Variants in CACNA1D observed in about 807,000 individuals in gnomAD.
CACNA1D encodes the protein voltage-dependent L-type calcium channel subunit alpha-1D.
Under a neutral mutation model 257.1 loss-of-function variants are expected in CACNA1D, and 55 were observed. The observed-to-expected ratio is 0.21, with a 90% CI of 0.17 to 0.27. The LOEUF is 0.27. Ranked by LOEUF, CACNA1D falls within the 10% of genes least tolerant of loss-of-function variation. CACNA1D has a pLI of 1.00. For synonymous variants in CACNA1D, 980 were observed against 1,014.9 expected (o/e 0.97, Z 0.65); for missense variants, 1,876 against 2,784.0 (o/e 0.67, Z 7.34).
rs1193226150 is a variant in CACNA1D, at chr3:53,702,792, G to C, written c.1372G>C (p.Glu458Gln). ...TCCGGAGAATGAGGAAGAAGGAGGA[G>C]AGGAAGGCAAACGAAATAGTATGTA... Reference protein sequence around the residue: ...IDPENEEEGGEEGKRNTSMPT... With the variant: ...IDPENEEEGGQEGKRNTSMPT... Residue 458 changes from glutamate (E) to glutamine (Q), a missense_variant, in exon 9 of 48, where the codon GAG (glutamate) becomes CAG (glutamine). Around this residue, in one of 10 missense-constraint regions of CACNA1D, gnomAD observed 257 missense variants for 399.7 expected, o/e 0.64. Coordinates refer to ENST00000350061, the MANE Select transcript of CACNA1D (RefSeq NM_001128840.3). 1.9e-6 allele frequency: 3 copies of C among 1,614,242 alleles called. No homozygotes were observed.
At position 53,772,818 on chromosome 3, in the gene CACNA1D, C is replaced by G. The variant is rs1296825649; in HGVS notation, c.4045-15C>G. On this transcript the variant is annotated splice_polypyrimidine_tract_variant and intron_variant, in intron 32 of 47. Coordinates refer to ENST00000350061, the MANE Select transcript of CACNA1D (RefSeq NM_001128840.3). ...CAGCCGGCTGGTGCTGAGCCAAGTG[C>G]CTTTTCTCTCCCAGGCGCTCCCGTA... 6.2e-7 allele frequency: 1 copy of G among 1,612,754 alleles called. No homozygotes were observed. The highest frequency in any genetic ancestry group is 2.2e-5 in the East Asian group (1 of 44,864).
intron 4 of CACNA1D, among the ~76,000 whole-genome samples, chr3:53,654,820 A>G (rs2094132882): frequency 1.3e-5 from 2 of 152,188 alleles, no homozygotes; most frequent in African/African-American, 4.8e-5. Context: ...AGAAAATCCC[A>G]GGTCTATCTA....
At chr3:53,659,800 G>C (rs2094185453) in intron 4 of CACNA1D, among the ~76,000 whole-genome samples, 1 of 152,244 alleles carries the variant, frequency 6.6e-6, no homozygotes, top group African/African-American at 2.4e-5. Flanking sequence ...CTCATGAATG[G>C]TAGCCACCAA....
intron 3 of CACNA1D, among the ~76,000 whole-genome samples, chr3:53,601,128 C>T (rs776939822): frequency 7.2e-5 from 11 of 152,120 alleles, no homozygotes; most frequent in Non-Finnish European, 1.5e-5. Context: ...GCCTGTGCCC[C>T]CTTCGGAGAC....
chr3:53,500,112 C>T (rs1177416549), intron 2 of CACNA1D, among the ~76,000 whole-genome samples: 2 of 151,770 alleles, frequency 1.3e-5, no homozygotes, highest in Non-Finnish European at 2.9e-5. Flanking sequence ...TCTCCAGAGG[C>T]CGGGCACAGT....
intron 3 of CACNA1D, among the ~76,000 whole-genome samples, chr3:53,574,072 G>C (rs796692737): frequency 2.6e-4 from 39 of 152,242 alleles, no homozygotes; most frequent in African/African-American, 9.4e-4. Flanking sequence ...GGAGGAGGAA[G>C]GGCAAGAAGA....
chr3:53,651,194 A>T (rs960693182), intron 4 of CACNA1D, among the ~76,000 whole-genome samples: 2 of 152,152 alleles, frequency 1.3e-5, no homozygotes, highest in African/African-American at 2.4e-5. Flanking sequence ...TTTACCTAAC[A>T]CGGTCTTGGA....
At chr3:53,799,707 T>C (rs1266939728) in intron 40 of CACNA1D, among the ~76,000 whole-genome samples, 1 of 152,148 alleles carries the variant, frequency 6.6e-6, no homozygotes, top group Non-Finnish European at 1.5e-5. Flanking sequence ...TTGCAGTGTG[T>C]TGTGTCACTC....
intron 3 of CACNA1D, among the ~76,000 whole-genome samples, chr3:53,591,496 C>T (rs890779167): frequency 2.6e-5 from 4 of 152,110 alleles, no homozygotes; most frequent in Admixed American, 6.5e-5. Flanking sequence ...TCAGGCAATT[C>T]GCCCACCTTG....
At position 53,673,304 on chromosome 3, in the gene CACNA1D, G is replaced by A. The variant is rs542225486; in HGVS notation, c.1220+178G>A. On this transcript the variant is annotated intron_variant, in intron 8 of 47. Coordinates refer to ENST00000350061, the MANE Select transcript of CACNA1D (RefSeq NM_001128840.3). This position sits in a 1 kb window ranked among gnomAD's most constrained non-coding sequence, Gnocchi z 4.1. The stretch of plus-strand genomic sequence containing the variant: ...AAGCTGTTTCCTGGAACCTCACCAG[G>A]CTTCATGAAGGAGAACTATAGAACG... 2.0e-5 allele frequency among the ~76,000 whole-genome samples: 3 copies of A among 152,166 alleles called. No individual in the cohort carries two copies. The highest frequency in any genetic ancestry group is 7.2e-5 in the African/African-American group (3 of 41,438).
At chr3:53,612,279 T>A (rs1466414497) in intron 3 of CACNA1D, among the ~76,000 whole-genome samples, 1 of 152,230 alleles carries the variant, frequency 6.6e-6, no homozygotes, top group Non-Finnish European at 1.5e-5. Context: ...TGCTGGGTAT[T>A]GTAAAAATTA....
At chr3:53,735,070 A>T (rs1321655375) in intron 19 of CACNA1D, among the ~76,000 whole-genome samples, 3 of 152,208 alleles carry the variant, frequency 2.0e-5, no homozygotes, top group Non-Finnish European at 2.9e-5. Context: ...GAATTCTCTT[A>T]TTAAGCCTCA....
At chr3:53,580,439 C>G (rs1389862301) in intron 3 of CACNA1D, among the ~76,000 whole-genome samples, 1 of 152,218 alleles carries the variant, frequency 6.6e-6, no homozygotes, top group Non-Finnish European at 1.5e-5. Context: ...GCTTGGCCAT[C>G]TCCTCTGCAT....
At chr3:53,648,789 A>T (rs2094051538) in intron 3 of CACNA1D, among the ~76,000 whole-genome samples, 1 of 151,844 alleles carries the variant, frequency 6.6e-6, no homozygotes, top group Middle Eastern at 3.4e-3. Flanking sequence ...TAGGCTTTCT[A>T]AATTAAATTA....
intron 4 of CACNA1D, among the ~76,000 whole-genome samples, chr3:53,651,835 T>C (rs528624774): frequency 6.6e-6 from 1 of 152,334 alleles, no homozygotes; most frequent in South Asian, 2.1e-4. Flanking sequence ...AGCAAGGTGA[T>C]TTTTCTTGTG....
intron 3 of CACNA1D, among the ~76,000 whole-genome samples, chr3:53,553,570 A>C (rs747036503): frequency 1.3e-5 from 2 of 152,150 alleles, no homozygotes; most frequent in Non-Finnish European, 2.9e-5. Flanking sequence ...TTTCTACGGG[A>C]ATGTTTTTTG....
chr3:53,541,264 TAGG>T (rs2092290116), intron 3 of CACNA1D, among the ~76,000 whole-genome samples: 1 of 152,210 alleles, frequency 6.6e-6, no homozygotes. Context: ...CAGCCTAAAT[TAGG>T]AGGTCTAACT....
intron 3 of CACNA1D, among the ~76,000 whole-genome samples, chr3:53,636,337 G>C (rs2093883401): frequency 6.6e-6 from 1 of 152,122 alleles, no homozygotes; most frequent in South Asian, 2.1e-4. Flanking sequence ...GGAGTCTTGT[G>C]CTGTCACCCA....
rs2093006422 is a variant in CACNA1D at position 53,574,719 on chromosome 3, G to A, written c.483+72999G>A. Among the ~76,000 whole-genome samples, 5 of 147,140 alleles carry A rather than the reference G, an allele frequency of 3.4e-5. No homozygotes were observed. In the South Asian group the frequency reaches 8.5e-4, roughly 25 times the overall value. ...CATTCTCATGCTCACTGTCACTCAC[G>A]TGTGTGCTGTCCCACGTGTTCTCAC... On this transcript the variant is annotated intron_variant, in intron 3 of 47. Transcript: ENST00000350061.
Sources: gnomAD v4.1 joint callset for allele counts (sites outside exome capture counted in the v4.1 genomes callset) on GRCh38, gnomAD v4.1.1 for gene constraint, gnomAD v4.1.1 regional missense constraint, Gnocchi (gnomAD v3.1) non-coding constraint, MANE v1.5 for transcripts, NCBI Gene and HGNC (gene_info 2026-07-23, HGNC 2026-07-21) for gene names.